The following RBFOX1 variants were observed in gnomAD, a reference collection of about 807,000 sequenced individuals.
RBFOX1 encodes RNA binding fox-1 homolog 1, also known as RNA binding protein fox-1 homolog 1.
In RBFOX1, 8 loss-of-function variants were observed where a neutral mutation model predicts 57.7. The ratio of observed to expected loss-of-function variants is 0.14; its 90% CI spans 0.08 to 0.25. The LOEUF (loss-of-function observed/expected upper bound fraction) is 0.25. Ranked by LOEUF, RBFOX1 falls within the 10% of genes least tolerant of loss-of-function variation. The pLI, the probability that RBFOX1 is intolerant of heterozygous loss-of-function variation, is 1.00. For synonymous variants in RBFOX1, 326 were observed against 222.4 expected, an observed-to-expected ratio of 1.47 and a Z score of -4.15; for missense variants, 611 against 548.5, an observed-to-expected ratio of 1.11 and a Z score of -1.14.
chr16:7,297,099 G>A (rs545390494), intron 4 of RBFOX1, among the ~76,000 whole-genome samples: 6 of 152,252 alleles, frequency 3.9e-5, no homozygotes, highest in South Asian at 4.1e-4. Flanking sequence ...AAGGCTCAAG[G>A]GTCAAGGGAG....
At chr16:7,266,271 G>T (rs1407910092) in intron 4 of RBFOX1, among the ~76,000 whole-genome samples, 1 of 151,804 alleles carries the variant, frequency 6.6e-6, no homozygotes. Context: ...CACCGTGCCC[G>T]GCCGGTAGAG....
intron 2 of RBFOX1, among the ~76,000 whole-genome samples, chr16:6,441,222 G>A (rs2094373149): frequency 6.6e-6 from 1 of 152,086 alleles, no homozygotes; most frequent in Non-Finnish European, 1.5e-5. Flanking sequence ...GATCTCAAGT[G>A]AGCCAGGGTT....
chr16:6,557,060 TATAC>T (rs1200688333), intron 2 of RBFOX1, among the ~76,000 whole-genome samples: 1 of 144,868 alleles, frequency 6.9e-6, no homozygotes, highest in Admixed American at 7.0e-5. Flanking sequence ...TATATACATA[TATAC>T]ATACATATAT....
chr16:6,699,003 T>C lies in RBFOX1; in HGVS notation c.-16+44353T>C, dbSNP rs2061448955. On this transcript the variant is annotated intron_variant, in intron 3 of 15. Transcript: ENST00000550418. ...GAGCTTAAAGCTAGAGAATGTGGCG[T>C]TGTTCTTGGTACACATTAGGTACTA... is the stretch of plus-strand genomic sequence containing the variant. Among the ~76,000 whole-genome samples, 8 of 152,188 alleles carry C rather than the reference T, an allele frequency of 5.3e-5. No individual in the cohort carries two copies. The South Asian group carries it at 1.7e-3, about 32-fold the overall frequency.
At chr16:6,979,502 G>C (rs535778459) in intron 3 of RBFOX1, among the ~76,000 whole-genome samples, 11 of 152,308 alleles carry the variant, frequency 7.2e-5, no homozygotes, top group African/African-American at 2.6e-4. Context: ...TTGAAGGGCT[G>C]TATGTTGTAG....
chr16:6,584,579 G>C (rs1460131392), intron 2 of RBFOX1, among the ~76,000 whole-genome samples: 1 of 151,896 alleles, frequency 6.6e-6, no homozygotes, highest in African/African-American at 2.4e-5. Flanking sequence ...ATGTTGACCA[G>C]GCTGGTCTCA....
At chr16:6,327,201 C>T (rs77954492) in intron 2 of RBFOX1, among the ~76,000 whole-genome samples, 4,500 of 152,206 alleles carry the variant, frequency 0.03, 87 homozygotes, top group African/African-American at 0.047. Context: ...TTATTTCTTC[C>T]CTGAAGCTGC....
chr16:7,640,598 G>GA (rs2062612933), intron 11 of RBFOX1, among the ~76,000 whole-genome samples: 1 of 152,210 alleles, frequency 6.6e-6, no homozygotes, highest in African/African-American at 2.4e-5. Flanking sequence ...TACACAGCCA[G>GA]AGAACAAGGC....
rs550629626 is a variant in RBFOX1 at position 6,148,130 on chromosome 16, A to G, written c.-127+128138A>G. Among the ~76,000 whole-genome samples the G allele has an allele frequency of 2.8e-3, 427 of 152,330 alleles. 2 individuals are homozygous for G. Among genetic ancestry groups the G allele is most frequent in the African/African-American group, 9.9e-3 (410 of 41,588 alleles). On this transcript the variant is annotated intron_variant, in intron 1 of 15. Coordinates refer to ENST00000550418, the MANE Select transcript of RBFOX1 (RefSeq NM_018723.4). ...GATCACCTGAGGTCAGGAGTTCGAC[A>G]CCAGCCCGGCAAACATGGTGAAACC...
chr16:5,760,566 A>T (rs1456902374), intron 3 of RBFOX1, among the ~76,000 whole-genome samples: 1 of 152,154 alleles, frequency 6.6e-6, no homozygotes, highest in African/African-American at 2.4e-5. Context: ...ACAGAACACT[A>T]TTTAGCCCTA....
chr16:6,654,738 A>G (rs954131523), intron 3 of RBFOX1, 88 bp downstream of exon 3: 28 of 1,004,874 alleles, frequency 2.8e-5, no homozygotes, highest in African/African-American at 8.3e-5. Flanking sequence ...GCCCCTCTCG[A>G]TGATGGTTTT....
intron 4 of RBFOX1, among the ~76,000 whole-genome samples, chr16:7,137,188 C>T (rs2072264585): frequency 6.6e-6 from 1 of 152,214 alleles, no homozygotes; most frequent in South Asian, 2.1e-4. Context: ...CTAATCTTTA[C>T]TGAGCTAGCT....
At chr16:7,242,931 G>A (rs886419364) in intron 4 of RBFOX1, among the ~76,000 whole-genome samples, 3 of 151,990 alleles carry the variant, frequency 2.0e-5, no homozygotes, top group East Asian at 3.9e-4. Context: ...GGGCTGTGTC[G>A]GCCTTACCTG....
At chr16:5,365,095 C>G (rs553998829) in intron 1 of RBFOX1, among the ~76,000 whole-genome samples, 1 of 152,052 alleles carries the variant, frequency 6.6e-6, no homozygotes, top group Non-Finnish European at 1.5e-5. Context: ...TTTTAATGAC[C>G]TACTTACTGC....
intron 1 of RBFOX1, among the ~76,000 whole-genome samples, chr16:5,333,665 A>G (rs992319929): frequency 7.9e-5 from 12 of 152,140 alleles, no homozygotes; most frequent in Non-Finnish European, 1.2e-4. Context: ...TAGTTGGTTG[A>G]TTTTGTCAAT....
intron 4 of RBFOX1, among the ~76,000 whole-genome samples, chr16:5,958,371 C>A (rs989331715): frequency 6.6e-6 from 1 of 152,176 alleles, no homozygotes; most frequent in African/African-American, 2.4e-5. Context: ...GCAGTGTTGT[C>A]TGTGCTCTTG....
At chr16:7,177,130 A>T (rs900881243) in intron 4 of RBFOX1, among the ~76,000 whole-genome samples, 2 of 152,218 alleles carry the variant, frequency 1.3e-5, no homozygotes, top group African/African-American at 4.8e-5. Context: ...CTGTGCAAAG[A>T]ACACGACACT....
At position 6,899,634 on chromosome 16, in the gene RBFOX1, T is replaced by A. The variant is rs146182033; in HGVS notation, c.-15-152423T>A. Among the ~76,000 whole-genome samples the A allele has an allele frequency of 1.5e-3, 232 of 152,302 alleles. 1 individual carries two copies. The highest frequency in any genetic ancestry group is 5.5e-3 in the African/African-American group (227 of 41,560). On this transcript the variant is annotated intron_variant, in intron 3 of 15. Coordinates refer to ENST00000550418, the MANE Select transcript of RBFOX1 (RefSeq NM_018723.4). Reference sequence around the variant, plus strand: ...AGCCTTAGTTTTCTCATCTTTGAAATGGGAAGAATAAACGTCCATACCTCC... The same window carrying A: ...AGCCTTAGTTTTCTCATCTTTGAAAAGGGAAGAATAAACGTCCATACCTCC...
chr16:6,900,775 C>T (rs992893708), intron 3 of RBFOX1, among the ~76,000 whole-genome samples: 42 of 152,172 alleles, frequency 2.8e-4, no homozygotes, highest in Admixed American at 1.7e-3. Context: ...AAGACCCTCT[C>T]CTCTTCCTTC....
Sources: gnomAD v4.1 joint callset for allele counts (sites outside exome capture counted in the v4.1 genomes callset) on GRCh38, gnomAD v4.1.1 for gene constraint, MANE v1.5 for transcripts, NCBI Gene and HGNC (gene_info 2026-07-23, HGNC 2026-07-21) for gene names.